Variants in TMEM132D observed in about 807,000 individuals in gnomAD.
TMEM132D encodes transmembrane protein 132D, also known as mature OL transmembrane protein.
A neutral mutation model predicts 62.3 loss-of-function variants in TMEM132D; 21 were observed. The ratio of observed to expected loss-of-function variants is 0.34; its 90% CI spans 0.24 to 0.49. The LOEUF is 0.49. Among genes scored for constraint, TMEM132D ranks in the 20% least tolerant of loss-of-function variants. The probability of loss-of-function intolerance (pLI) is 0.99; values close to 1 mark genes in which losing one functional copy is unlikely to be tolerated. For synonymous variants in TMEM132D, 621 were observed against 575.6 expected (o/e 1.08, Z -1.13); for missense variants, 1,346 against 1,402.8 (o/e 0.96, Z 0.65).
At chr12:129,342,819 G>GA (rs1201360970) in intron 3 of TMEM132D, among the ~76,000 whole-genome samples, 4 of 152,126 alleles carry the variant, frequency 2.6e-5, no homozygotes, top group Non-Finnish European at 2.9e-5. Flanking sequence ...AAAAACACAT[G>GA]AAAAAATGCT....
intron 2 of TMEM132D, among the ~76,000 whole-genome samples, chr12:129,631,064 T>C (rs1332977231): frequency 6.6e-6 from 1 of 152,130 alleles, no homozygotes; most frequent in Non-Finnish European, 1.5e-5. Flanking sequence ...CTACCCCATA[T>C]GGGGTAGGAT....
At chr12:129,425,085 C>T (rs573241651) in intron 3 of TMEM132D, among the ~76,000 whole-genome samples, 49 of 152,218 alleles carry the variant, frequency 3.2e-4, no homozygotes, top group African/African-American at 1.1e-3. Flanking sequence ...TGTCAAAGGA[C>T]GTATAAGTAA....
intron 3 of TMEM132D, among the ~76,000 whole-genome samples, chr12:129,346,274 C>T (rs879939924): frequency 2.6e-5 from 4 of 152,128 alleles, no homozygotes; most frequent in Non-Finnish European, 5.9e-5. Context: ...TCTGTGGGAT[C>T]AGTGGAGATA....
At chr12:129,257,871 G>A (rs752605818) in intron 4 of TMEM132D, among the ~76,000 whole-genome samples, 1 of 152,186 alleles carries the variant, frequency 6.6e-6, no homozygotes, top group Non-Finnish European at 1.5e-5. Flanking sequence ...TAGTGACATT[G>A]CTTGAGCTCC....
intron 3 of TMEM132D, among the ~76,000 whole-genome samples, chr12:129,362,215 C>T (rs998605766): frequency 2.6e-5 from 4 of 152,180 alleles, no homozygotes; most frequent in African/African-American, 4.8e-5. Context: ...TTATTACACT[C>T]TTTCAACTTG....
At chr12:129,089,322 G>GA (rs1259261545) in intron 5 of TMEM132D, among the ~76,000 whole-genome samples, 2 of 54,132 alleles carry the variant, frequency 3.7e-5, no homozygotes, top group African/African-American at 2.9e-4. Flanking sequence ...CCATGACCGG[G>GA]TGTCCTCCCT....
intron 4 of TMEM132D, among the ~76,000 whole-genome samples, chr12:129,270,278 C>T (rs748141965): frequency 1.3e-5 from 2 of 152,138 alleles, no homozygotes; most frequent in African/African-American, 2.4e-5. Flanking sequence ...TATATTGAGA[C>T]CATAAGCTCA....
intron 5 of TMEM132D, among the ~76,000 whole-genome samples, chr12:129,205,604 C>T (rs1043037802): frequency 5.3e-5 from 8 of 152,104 alleles, no homozygotes; most frequent in African/African-American, 1.9e-4. Context: ...TTAGACAAAT[C>T]ATTGAAGCAG....
chr12:129,793,826 C>A (rs1871473078), intron 1 of TMEM132D, among the ~76,000 whole-genome samples: 1 of 152,204 alleles, frequency 6.6e-6, no homozygotes, highest in Admixed American at 6.5e-5. Context: ...ACCTAGTTGG[C>A]CCACATTATG....
intron 1 of TMEM132D, among the ~76,000 whole-genome samples, chr12:129,780,651 C>T (rs1036347046): frequency 6.6e-6 from 1 of 152,124 alleles, no homozygotes; most frequent in Non-Finnish European, 1.5e-5. Flanking sequence ...GGCAAAGACA[C>T]AGATAGTTAT....
chr12:129,596,457 G>C (rs1422969399), intron 2 of TMEM132D, among the ~76,000 whole-genome samples: 1 of 151,854 alleles, frequency 6.6e-6, no homozygotes, highest in African/African-American at 2.4e-5. Context: ...GTTGTCCCTT[G>C]GTATCGGTGG....
At chr12:129,135,970 A>G (rs1170241586) in intron 5 of TMEM132D, among the ~76,000 whole-genome samples, 1 of 152,204 alleles carries the variant, frequency 6.6e-6, no homozygotes, top group Non-Finnish European at 1.5e-5. Context: ...CAATGAACCT[A>G]TTCTCAAATA....
chr12:129,137,333 G>A (rs1231373477), intron 5 of TMEM132D, among the ~76,000 whole-genome samples: 2 of 152,056 alleles, frequency 1.3e-5, no homozygotes, highest in African/African-American at 2.4e-5. Context: ...CATGTGCTAT[G>A]CAAATTACTT....
chr12:129,146,795 T>C (rs926940562), intron 5 of TMEM132D, among the ~76,000 whole-genome samples: 5 of 152,172 alleles, frequency 3.3e-5, no homozygotes, highest in Non-Finnish European at 5.9e-5. Flanking sequence ...GACGAGCATT[T>C]GCTGGGCGCA....
At chr12:129,725,914 A>G (rs1378735182) in intron 1 of TMEM132D, among the ~76,000 whole-genome samples, 2 of 152,232 alleles carry the variant, frequency 1.3e-5, no homozygotes, top group African/African-American at 4.8e-5. Flanking sequence ...CTCAATGTGC[A>G]CAGGCTTTTT....
At chr12:129,510,380 G>C (rs2137073418) in intron 3 of TMEM132D, among the ~76,000 whole-genome samples, 1 of 152,210 alleles carries the variant, frequency 6.6e-6, no homozygotes, top group South Asian at 2.1e-4. Context: ...TGTCAGATGG[G>C]TGGTTTGTAA....
chr12:129,436,726 G>A (rs1473324663), intron 3 of TMEM132D, among the ~76,000 whole-genome samples: 1 of 152,076 alleles, frequency 6.6e-6, no homozygotes, highest in Non-Finnish European at 1.5e-5. Context: ...ATTTTAACAC[G>A]TCACTTATAG....
intron 5 of TMEM132D, among the ~76,000 whole-genome samples, chr12:129,128,525 C>A (rs1206990895): frequency 6.6e-6 from 1 of 152,258 alleles, no homozygotes; most frequent in East Asian, 1.9e-4. Flanking sequence ...GGGAAAACCA[C>A]CCCCATGATC....
At chr12:129,399,434 CCCAT>C (rs1871544069) in intron 3 of TMEM132D, among the ~76,000 whole-genome samples, 1 of 152,154 alleles carries the variant, frequency 6.6e-6, no homozygotes, top group African/African-American at 2.4e-5. Flanking sequence ...CGATAACCAA[CCCAT>C]TCCTGCAATA....
Sources: allele counts gnomAD v4.1 joint callset (sites outside exome capture counted in the v4.1 genomes callset), GRCh38; gene constraint gnomAD v4.1.1; transcripts MANE v1.5; gene names NCBI Gene and HGNC (gene_info 2026-07-23, HGNC 2026-07-21).